The following GTF2IRD1 variants were observed in gnomAD, a reference collection of about 807,000 sequenced individuals.
The protein encoded by GTF2IRD1 is GTF2I repeat domain containing 1.
In GTF2IRD1, 26 loss-of-function variants were observed where a neutral mutation model predicts 113.2. The ratio of observed to expected loss-of-function variants is 0.23; its 90% CI spans 0.17 to 0.32. The LOEUF (loss-of-function observed/expected upper bound fraction) is 0.32. Ranked by LOEUF, GTF2IRD1 falls within the 10% of genes least tolerant of loss-of-function variation. The pLI is 1.00. For synonymous variants in GTF2IRD1, 484 were observed against 529.1 expected (o/e 0.91, Z 1.17); for missense variants, 864 against 1,280.8 (o/e 0.67, Z 4.97).
Position 74,557,658 on chromosome 7 carries a change from C to G in GTF2IRD1, c.2043C>G (p.Leu681=). 1 of 1,613,562 alleles carries G rather than the reference C, an allele frequency of 6.2e-7. No individual in the cohort carries two copies. The highest frequency in any genetic ancestry group is 8.5e-7 in the Non-Finnish European group (1 of 1,179,560). The part of the protein sequence containing the change: ...QGFQENYDAR[L]SRIDIANTLR... ...TTGCAGAAAATTATGACGCGAGGCT[C>G]TCACGGATCGACATCGCCAACACAC... Residue 681 remains leucine, a synonymous_variant, in exon 20 of 27, where the codon CTC becomes CTG. Transcript: ENST00000424337.
chr7:74,493,001 A>G (rs1419543559), intron 1 of GTF2IRD1, among the ~76,000 whole-genome samples: 1 of 151,956 alleles, frequency 6.6e-6, no homozygotes, highest in Non-Finnish European at 1.5e-5. Flanking sequence ...TCAAACTCTT[A>G]GCCTCAAGTG....
chr7:74,571,037 C>T (rs1249728816), intron 22 of GTF2IRD1: 5 of 931,146 alleles, frequency 5.4e-6, no homozygotes, highest in African/African-American at 3.6e-5. Flanking sequence ...TTTTAGTTCT[C>T]CTCTCACCCT....
intron 1 of GTF2IRD1, among the ~76,000 whole-genome samples, chr7:74,503,811 G>A (rs1554340204): frequency 6.6e-6 from 1 of 152,158 alleles, no homozygotes; most frequent in Non-Finnish European, 1.5e-5. Context: ...TGTTACAAAG[G>A]TATATTGTAC....
At chr7:74,501,182 G>A (rs536318307) in intron 1 of GTF2IRD1, among the ~76,000 whole-genome samples, 1 of 152,048 alleles carries the variant, frequency 6.6e-6, no homozygotes, top group African/African-American at 2.4e-5. Flanking sequence ...CAGCTGGGTG[G>A]TCTCGCCTGT....
intron 14 of GTF2IRD1, among the ~76,000 whole-genome samples, chr7:74,543,459 C>A (rs1554352327): frequency 1.3e-5 from 2 of 152,146 alleles, no homozygotes; most frequent in Admixed American, 1.3e-4. Context: ...GGTGACAGAG[C>A]GAGACTCTGT....
chr7:74,460,799 T>C (rs1231949136), intron 1 of GTF2IRD1, among the ~76,000 whole-genome samples: 1 of 152,214 alleles, frequency 6.6e-6, no homozygotes, highest in Non-Finnish European at 1.5e-5. Flanking sequence ...GCCTGAGTGC[T>C]GGGAAAGTGT....
intron 13 of GTF2IRD1, 131 bp from the exon 14 acceptor site, chr7:74,539,748 C>CAAAA: frequency 2.0e-6 from 1 of 509,602 alleles, no homozygotes; most frequent in South Asian, 2.3e-5. Flanking sequence ...CATCTCAAAC[C>CAAAA]AAAAAAAAAA....
rs577504931 is a variant in GTF2IRD1 at position 74,479,994 on chromosome 7, G to A, written c.-7+25818G>A. 1.2e-4 allele frequency among the ~76,000 whole-genome samples: 18 copies of A among 151,978 alleles called. No individual in the cohort carries two copies. In the East Asian group the frequency reaches 1.9e-3, roughly 16 times the overall value. ...ACTCCTGACCTCAAGTGATCTGCCC[G>A]CCTCGGCCTCCCTAAGTGCTGGGAT... On this transcript the variant is annotated intron_variant, in intron 1 of 26. Transcript: ENST00000424337.
intron 17 of GTF2IRD1, among the ~76,000 whole-genome samples, chr7:74,549,426 C>T (rs1452863375): frequency 6.6e-6 from 1 of 152,100 alleles, no homozygotes; most frequent in Non-Finnish European, 1.5e-5. Context: ...CGTCATTTTT[C>T]ATACAGTGGC....
chr7:74,465,803 T>C (rs976398945), intron 1 of GTF2IRD1, among the ~76,000 whole-genome samples: 1 of 152,154 alleles, frequency 6.6e-6, no homozygotes, highest in Non-Finnish European at 1.5e-5. Context: ...AGAGTCTTCC[T>C]CTGTTGCCCA....
At chr7:74,544,648 T>A in intron 14 of GTF2IRD1, 107 bp from the exon 15 acceptor site, 1 of 1,090,316 alleles carries the variant, frequency 9.2e-7, no homozygotes, top group Non-Finnish European at 1.4e-6. Flanking sequence ...TGCTTCAGAG[T>A]TGGGGCCCCC....
intron 15 of GTF2IRD1, among the ~76,000 whole-genome samples, chr7:74,545,537 G>A (rs184517536): frequency 6.6e-6 from 1 of 152,254 alleles, no homozygotes; most frequent in African/African-American, 2.4e-5. Context: ...CCCTAGATTT[G>A]ATTTCGCAAA....
intron 22 of GTF2IRD1, among the ~76,000 whole-genome samples, chr7:74,562,663 G>C (rs1186317955): frequency 1.4e-5 from 2 of 142,628 alleles, no homozygotes; most frequent in East Asian, 4.1e-4. Flanking sequence ...CGCCTCCCAG[G>C]TTCAAATGAT....
intron 13 of GTF2IRD1, 135 bp from the exon 14 acceptor site, chr7:74,539,744 A>G (rs1445893839): frequency 3.3e-6 from 2 of 604,142 alleles, no homozygotes; most frequent in Non-Finnish European, 2.9e-6. Flanking sequence ...ACTCCATCTC[A>G]AACCAAAAAA....
chr7:74,485,087 C>T (rs1354431544), intron 1 of GTF2IRD1, among the ~76,000 whole-genome samples: 1 of 152,150 alleles, frequency 6.6e-6, no homozygotes, highest in East Asian at 1.9e-4. Flanking sequence ...CCCGACACCT[C>T]TGACCAAGGG....
chr7:74,547,359 T>C (rs372312462), intron 17 of GTF2IRD1, 73 bp downstream of exon 17: 9 of 1,243,988 alleles, frequency 7.2e-6, no homozygotes, highest in South Asian at 2.6e-5. Flanking sequence ...CAGCACCAAA[T>C]TGCCATCAAG....
chr7:74,535,614 G>A (rs1163329008), intron 10 of GTF2IRD1, among the ~76,000 whole-genome samples: 1 of 152,194 alleles, frequency 6.6e-6, no homozygotes, highest in Non-Finnish European at 1.5e-5. Flanking sequence ...CCTGTCCCAG[G>A]AGGAAGATGC....
intron 6 of GTF2IRD1, among the ~76,000 whole-genome samples, chr7:74,520,490 G>A (rs1562829912): frequency 2.6e-5 from 4 of 152,170 alleles, no homozygotes; most frequent in Non-Finnish European, 5.9e-5. Flanking sequence ...ACAGATCGGT[G>A]GCAGTAGCAT....
chr7:74,513,248 C>T (rs1205623531), intron 3 of GTF2IRD1, among the ~76,000 whole-genome samples: 2 of 152,216 alleles, frequency 1.3e-5, no homozygotes, highest in African/African-American at 2.4e-5. Flanking sequence ...CTGCTCAGTT[C>T]TTCCTCTTAA....
Sources: allele counts gnomAD v4.1 joint callset (sites outside exome capture counted in the v4.1 genomes callset), GRCh38; gene constraint gnomAD v4.1.1; transcripts MANE v1.5; gene names NCBI Gene and HGNC (gene_info 2026-07-23, HGNC 2026-07-21).